NACA: variants seen among roughly 807,000 people sequenced by gnomAD.
NACA encodes the protein nascent polypeptide associated complex subunit alpha.
In NACA, 42 loss-of-function variants were observed where a neutral mutation model predicts 86.4. The ratio of observed to expected loss-of-function variants is 0.49; its 90% CI spans 0.38 to 0.63. NACA has a LOEUF of 0.63. NACA is among the 20% of genes least tolerant of loss of function. The pLI is 0.00. For missense variants in NACA, 2,157 were observed against 2,483.6 expected, an observed-to-expected ratio of 0.87 and a Z score of 2.80; for synonymous variants, 898 against 973.7, an observed-to-expected ratio of 0.92 and a Z score of 1.45.
intron 2 of NACA, 134 bp downstream of exon 2, chr12:56,724,318 A>T (rs1953651692): frequency 2.5e-6 from 2 of 790,216 alleles, no homozygotes; most frequent in East Asian, 5.9e-5. Flanking sequence ...CAGGATAGTA[A>T]TTTTACGGTC....
chr12:56,719,773 G>A lies in NACA; in HGVS notation c.1757C>T (p.Pro586Leu), dbSNP rs988867437. Reference protein sequence around the residue: ...TSSSPEIPLSPEATLAKKSLG... With the variant: ...TSSSPEIPLSLEATLAKKSLG... ...GCTTTTCTTTGCTAGGGTGGCTTCA[G>A]GAGAAAGAGGTATCTCTGGAGAAGA... The change falls in exon 3 of 9, where the codon CCT becomes CTT. Residue 586 changes from proline to leucine, a missense_variant. Physicochemically the swap from Pro to Leu is moderately conservative, Grantham distance 98. This residue lies in a region of NACA where 947 missense variants were observed against 917.9 expected (regional missense o/e 1.03). Transcript: ENST00000454682. The A allele has an allele frequency of 1.9e-6, 3 of 1,613,768 alleles. No homozygotes were observed. Among genetic ancestry groups the A allele is most frequent in the African/African-American group, 2.7e-5 (2 of 74,876 alleles).
chr12:56,721,709 AC>A (rs1419430078), intron 2 of NACA, among the ~76,000 whole-genome samples: 3 of 152,180 alleles, frequency 2.0e-5, no homozygotes, highest in African/African-American at 7.2e-5. Context: ...ACCAAAGTAA[AC>A]CAACTATTTT....
At position 56,713,071 on chromosome 12, in the gene NACA, T is replaced by C. The variant is rs542829900; in HGVS notation, c.6090A>G (p.Glu2030=). ...AGATTTCCTAGTATACCTCTTCCTCTTCACTCTCCTCTTGTACAGTTGGAG... is the reference window on the plus strand; with the variant it reads ...AGATTTCCTAGTATACCTCTTCCTCCTCACTCTCCTCTTGTACAGTTGGAG... ...TQTPTVQEES[E]EEEVDETGVE... The change falls in exon 7 of 9, where the codon GAA becomes GAG. Residue 2030 remains glutamate (E), a synonymous_variant. Transcript: ENST00000454682. The C allele has an allele frequency of 6.2e-7, 1 of 1,614,050 alleles. No homozygotes were observed. The highest frequency in any genetic ancestry group is 1.1e-5 in the South Asian group (1 of 91,080).
rs1449651160 is a variant in NACA, at chr12:56,719,394, T to C, written c.2136A>G (p.Pro712=). 6.2e-7 allele frequency: 1 copy of C among 1,611,508 alleles called. No individual in the cohort carries two copies. The highest frequency in any genetic ancestry group is 2.2e-5 in the East Asian group (1 of 44,852). Residue 712 remains proline, a synonymous_variant, in exon 3 of 9, where the codon CCA becomes CCG. Transcript: ENST00000454682. ...GAGGAGCACAGGTATTCTGGGGGGATGGAGCCACAGGGCAATTTTCTGAAG... is the reference window on the plus strand; with the variant it reads ...GAGGAGCACAGGTATTCTGGGGGGACGGAGCCACAGGGCAATTTTCTGAAG... ...PTASENCPVA[P]SPQNTCAPLA...
At chr12:56,712,986 G>A (rs1361126627) in intron 7 of NACA, 76 bp downstream of exon 7, 4 of 1,611,130 alleles carry the variant, frequency 2.5e-6, no homozygotes, top group Non-Finnish European at 3.4e-6. Context: ...CCTGAATCTA[G>A]TTTTTAATAT....
rs767581372 is a variant in NACA, at chr12:56,719,254, G to A, written c.2276C>T (p.Ala759Val). 7.1e-6 allele frequency: 11 copies of A among 1,543,802 alleles called. No homozygotes were observed. Among genetic ancestry groups the A allele is most frequent in the Middle Eastern group, 3.5e-4 (2 of 5,772 alleles). Residue 759 changes from alanine to valine, a missense_variant, in exon 3 of 9, where the codon GCA becomes GTA. By Grantham distance (64) the Ala-to-Val change is moderately conservative. Around this residue, in one of 8 missense-constraint regions of NACA, gnomAD observed 947 missense variants for 917.9 expected, o/e 1.03. Coordinates refer to ENST00000454682, the MANE Select transcript of NACA (RefSeq NM_001365896.1). ...GGGAGAGGAAGCAACAGGTGCCAATGCTGAAGTATGAGAAATACCATCAAC... is the reference window on the plus strand; with the variant it reads ...GGGAGAGGAAGCAACAGGTGCCAATACTGAAGTATGAGAAATACCATCAAC... ...KKVDGISHTS[A>V]LAPVASSPKE...
At position 56,716,814 on chromosome 12, in the gene NACA, AGCTGGGGCTTCTTTGGGGGTTGGAATT is replaced by A. The variant is rs1953382638; in HGVS notation, c.4689_4715del (p.Ile1564_Ala1572del). 1.7e-6 allele frequency: 2 copies of A among 1,166,100 alleles called. No individual in the cohort carries two copies. The highest frequency in any genetic ancestry group is 2.1e-6 in the Non-Finnish European group (2 of 934,186). 72.2% of individuals were successfully genotyped at this position (1,166,100 alleles called of 1,614,324 possible). A position where few individuals can be genotyped will look rare whatever the true frequency, so the allele number is the denominator to read the frequency against. On this transcript the variant is annotated inframe_deletion, in exon 3 of 9. Coordinates refer to ENST00000454682, the MANE Select transcript of NACA (RefSeq NM_001365896.1). ...TGGAGGCCTCTTTGGAGGATGGGGT[AGCTGGGGCTTCTTTGGGGGTTGGAATT>A]GCTGGGGTCTTTTTAGGGGAGGGAA...
At position 56,717,573 on chromosome 12, in the gene NACA, G is replaced by C. The variant is rs569066313; in HGVS notation, c.3957C>G (p.Ser1319=). The change falls in exon 3 of 9, where the codon TCC becomes TCG. Residue 1319 remains serine, a synonymous_variant. Coordinates refer to ENST00000454682, the MANE Select transcript of NACA (RefSeq NM_001365896.1). Reference sequence around the variant, plus strand: ...GTGGGGTACCTGGGCTTCCTTTTGGGGAGGGAGGAGTTGCAGCTGGAGGAG... The same window carrying C: ...GTGGGGTACCTGGGCTTCCTTTTGGCGAGGGAGGAGTTGCAGCTGGAGGAG... ...APTPPAATPP[S]PKGSPGTPPP... 1.6e-6 allele frequency: 2 copies of C among 1,289,926 alleles called. No homozygotes were observed. Among genetic ancestry groups the C allele is most frequent in the African/African-American group, 1.5e-5 (1 of 64,996 alleles). 79.9% of individuals were successfully genotyped at this position (1,289,926 alleles called of 1,614,324 possible).
At chr12:56,713,035 T>TAA in intron 7 of NACA, 27 bp downstream of exon 7, 1 of 1,613,650 alleles carries the variant, frequency 6.2e-7, no homozygotes, top group Non-Finnish European at 8.5e-7. Context: ...CGGCGAGAGT[T>TAA]AAATTATGAA....
chr12:56,724,641 T>TG lies in NACA; in HGVS notation c.-2-119dup, dbSNP rs1410375938. On this transcript the variant is annotated intron_variant, in intron 1 of 8. Coordinates refer to ENST00000454682, the MANE Select transcript of NACA (RefSeq NM_001365896.1). Reference sequence around the variant, plus strand: ...GGCTGTTAGAAAAAAATCGTGAGGGTGTTTGGTGACAACCTTCCCCAAAGC... The same window carrying TG: ...GGCTGTTAGAAAAAAATCGTGAGGGTGGTTTGGTGACAACCTTCCCCAAAGC... The TG allele has an allele frequency of 3.6e-6, 4 of 1,113,050 alleles. No individual in the cohort carries two copies. In the South Asian group the frequency reaches 6.0e-5, roughly 17 times the overall value. The allele number at this position is 1,113,050 out of a possible 1,614,324, so 68.9% of individuals were successfully genotyped here. A position where few individuals can be genotyped will look rare whatever the true frequency, so the allele number is the denominator to read the frequency against.
intron 2 of NACA, among the ~76,000 whole-genome samples, chr12:56,723,705 CCTGAAGATTTCCTTCAT>C (rs1309018273): frequency 2.6e-5 from 4 of 152,096 alleles, no homozygotes; most frequent in African/African-American, 9.7e-5. Flanking sequence ...AAAATTACAG[CCTGAAGATTTCCTTCAT>C]TTAACGCTGC....
rs772349037 is a variant in NACA, at chr12:56,718,911, CAG to C, written c.2617_2618del (p.Leu873ValfsTer55). 4.0e-5 allele frequency: 55 copies of C among 1,372,188 alleles called. No individual in the cohort carries two copies. Among genetic ancestry groups the C allele is most frequent in the Non-Finnish European group, 4.9e-5 (51 of 1,033,842 alleles). The allele number at this position is 1,372,188 out of a possible 1,614,324, so 85.0% of individuals were successfully genotyped here. On this transcript the variant is annotated frameshift_variant, in exon 3 of 9. Coordinates refer to ENST00000454682, the MANE Select transcript of NACA (RefSeq NM_001365896.1). LOFTEE classifies it high-confidence loss of function. ...GGGGTAGTGTTACTCCTTTGGGAGACAGAGGAGTCACAGCTGAGGGAGTAGGG... is the reference window on the plus strand; with the variant it reads ...GGGGTAGTGTTACTCCTTTGGGAGACAGGAGTCACAGCTGAGGGAGTAGGG... ...GAPTPSAVTP[L>X]SPKGVTLPPK...
rs1592311735 is a variant in NACA at position 56,715,980 on chromosome 12, A to G, written c.5550T>C (p.Ser1850=). Residue 1850 remains serine (S), a synonymous_variant, in exon 3 of 9, where the codon TCT becomes TCC. Transcript: ENST00000454682. ...GGACCGACTGGAAAGGCACTCCCCC[A>G]GAGATTGGTTCCGGGGGAATCAGAG... ...LLPLIPPEPI[S]GGVPFQSVLV... The G allele has an allele frequency of 6.3e-7, 1 of 1,575,012 alleles. No homozygotes were observed.
Position 56,720,376 on chromosome 12 carries a change from G to A in NACA, c.1154C>T (p.Pro385Leu), listed in dbSNP as rs569694435. 1.9e-6 allele frequency: 3 copies of A among 1,613,880 alleles called. No homozygotes were observed. The East Asian group carries it at 6.7e-5, about 36-fold the overall frequency. Residue 385 changes from proline to leucine, a missense_variant, in exon 3 of 9, where the codon CCC (proline) becomes CTC (leucine). Around this residue, in one of 8 missense-constraint regions of NACA, gnomAD observed 947 missense variants for 917.9 expected, o/e 1.03. Transcript: ENST00000454682. ...GCAGGTTATGCTAGAGATGGTAGAG[G>A]GACCTTTGTCAACAGATGGAGCCAC... Reference protein sequence around the residue: ...PVVAPSVDKGPSTISSITCSP... With the variant: ...PVVAPSVDKGLSTISSITCSP...
At position 56,724,525 on chromosome 12, in the gene NACA, T is replaced by C; in HGVS notation, c.-2-2A>G. The C allele has an allele frequency of 6.2e-7, 1 of 1,611,736 alleles. No individual in the cohort carries two copies. The highest frequency in any genetic ancestry group is 8.5e-7 in the Non-Finnish European group (1 of 1,178,986). On this transcript the variant is annotated splice_acceptor_variant, in intron 1 of 8. Transcript: ENST00000454682. LOFTEE classifies it low-confidence loss of function (5UTR_SPLICE). ...TTTCTGTGGCTTCGCCGGGCATTTCTGAAGGAAGGGAATAAAAAGGAGGCC... is the reference window on the plus strand; with the variant it reads ...TTTCTGTGGCTTCGCCGGGCATTTCCGAAGGAAGGGAATAAAAAGGAGGCC...
chr12:56,719,686 T>C lies in NACA; in HGVS notation c.1844A>G (p.Asn615Ser). The C allele has an allele frequency of 6.2e-7, 1 of 1,613,596 alleles. No homozygotes were observed. The highest frequency in any genetic ancestry group is 1.1e-5 in the South Asian group (1 of 91,060). Reference sequence around the variant, plus strand: ...TGTCTTGATTACAGAGGCCGAGGAGTTAACACCCAGAGGGGAGGTCATACT... The same window carrying C: ...TGTCTTGATTACAGAGGCCGAGGAGCTAACACCCAGAGGGGAGGTCATACT... ...ASSMTSPLGV[N>S]SSASVIKTDS... Residue 615 changes from asparagine (N) to serine (S), a missense_variant, in exon 3 of 9, where the codon AAC (asparagine) becomes AGC (serine). Transcript: ENST00000454682.
Position 56,720,882 on chromosome 12 carries a change from A to G in NACA, c.648T>C (p.Cys216=), listed in dbSNP as rs1422173403. Reference sequence around the variant, plus strand: ...ATTGAATAGAGGCCATGGGAGTCACACAGTGGTAAGGAACAGTACTGACTA... The same window carrying G: ...ATTGAATAGAGGCCATGGGAGTCACGCAGTGGTAAGGAACAGTACTGACTA... ...PCIVSTVPYH[C]VTPMASIQSG... Residue 216 remains cysteine, a synonymous_variant, in exon 3 of 9, where the codon TGT becomes TGC. Coordinates refer to ENST00000454682, the MANE Select transcript of NACA (RefSeq NM_001365896.1). 6.2e-7 allele frequency: 1 copy of G among 1,614,008 alleles called. No homozygotes were observed. The highest frequency in any genetic ancestry group is 2.2e-5 in the East Asian group (1 of 44,886).
At chr12:56,714,330 C>T in intron 5 of NACA, 32 bp downstream of exon 5, 1 of 1,605,796 alleles carries the variant, frequency 6.2e-7, no homozygotes, top group Non-Finnish European at 8.5e-7. Flanking sequence ...AAAGGTGCTT[C>T]ATAAGATCCT....
At position 56,721,190 on chromosome 12, in the gene NACA, C is replaced by G. The variant is rs1032694353; in HGVS notation, c.340G>C (p.Ala114Pro). 1 of 1,613,704 alleles carries G rather than the reference C, an allele frequency of 6.2e-7. No individual in the cohort carries two copies. Among genetic ancestry groups the G allele is most frequent in the Admixed American group, 1.7e-5 (1 of 59,958 alleles). The change falls in exon 3 of 9, where the codon GCT (alanine) becomes CCT (proline). Residue 114 changes from alanine to proline, a missense_variant. This residue lies in a region of NACA where 947 missense variants were observed against 917.9 expected (regional missense o/e 1.03). Transcript: ENST00000454682. ...PNLIGPPISP[A>P]ALALASPMIA... ...ATGGGAGAGGCTAGAGCTAAGGCAG[C>G]TGGGGAGATGGGAGGCCCTATTAGG... is the stretch of plus-strand genomic sequence containing the variant.
Sources: gnomAD v4.1 joint callset for allele counts (sites outside exome capture counted in the v4.1 genomes callset) on GRCh38, gnomAD v4.1.1 for gene constraint, gnomAD v4.1.1 regional missense constraint, MANE v1.5 for transcripts, NCBI Gene and HGNC (gene_info 2026-07-23, HGNC 2026-07-21) for gene names.